Variants in MTREX observed in about 807,000 individuals in gnomAD.
MTREX encodes Mtr4 exosome RNA helicase, also known as exosome RNA helicase MTR4.
Under a neutral mutation model 135.4 loss-of-function variants are expected in MTREX, and 76 were observed. The ratio of observed to expected loss-of-function variants is 0.56; its 90% CI spans 0.47 to 0.68. The LOEUF (loss-of-function observed/expected upper bound fraction) is 0.68, where lower values mean the gene tolerates loss of function less well. Among genes scored for constraint, MTREX ranks in the 30% least tolerant of loss-of-function variants. The probability of loss-of-function intolerance (pLI) is 0.00; values close to 1 mark genes in which losing one functional copy is unlikely to be tolerated. For synonymous variants in MTREX, 404 were observed against 401.6 expected (o/e 1.01, Z -0.07); for missense variants, 920 against 1,262.1 (o/e 0.73, Z 4.11).
chr5:55,352,576 T>G (rs1027435824), intron 13 of MTREX, among the ~76,000 whole-genome samples: 3 of 152,212 alleles, frequency 2.0e-5, no homozygotes, highest in Non-Finnish European at 2.9e-5. Flanking sequence ...ATTATATAAT[T>G]TCATCATATG....
At chr5:55,423,988 G>A (rs1367388427) in intron 26 of MTREX, 3 of 151,992 alleles carry the variant, frequency 2.0e-5, no homozygotes, top group African/African-American at 2.4e-5. Flanking sequence ...ATCAAAATTT[G>A]TATTTGTCCT....
rs376173901 is a variant in MTREX at position 55,387,968 on chromosome 5, T to G, written c.2053-6T>G. On this transcript the variant is annotated splice_polypyrimidine_tract_variant and splice_region_variant and intron_variant, in intron 18 of 26. Coordinates refer to ENST00000230640, the MANE Select transcript of MTREX (RefSeq NM_015360.5). ...ATGAATGAACATCTTCTGTTTTGTT[T>G]TTTAGCCTAACTCTGGTGAACTGGA... 7 of 1,574,116 alleles carry G rather than the reference T, an allele frequency of 4.4e-6. No individual in the cohort carries two copies. Among genetic ancestry groups the G allele is most frequent in the Admixed American group, 1.7e-5 (1 of 57,366 alleles).
intron 18 of MTREX, among the ~76,000 whole-genome samples, chr5:55,379,972 G>T (rs993031879): frequency 6.6e-6 from 1 of 152,002 alleles, no homozygotes; most frequent in Non-Finnish European, 1.5e-5. Flanking sequence ...GTCTCGCTCT[G>T]TCGCCCAGGC....
At chr5:55,354,228 G>A (rs939329294) in intron 14 of MTREX, among the ~76,000 whole-genome samples, 5 of 152,158 alleles carry the variant, frequency 3.3e-5, no homozygotes, top group Non-Finnish European at 5.9e-5. Flanking sequence ...AAACACTCTT[G>A]AGAAGTATGT....
At chr5:55,389,857 A>G (rs1041414480) in intron 19 of MTREX, among the ~76,000 whole-genome samples, 1 of 151,118 alleles carries the variant, frequency 6.6e-6, no homozygotes. Context: ...TGTTTTATAA[A>G]TATATTGTTT....
At chr5:55,349,983 T>C (rs1749801358) in intron 12 of MTREX, among the ~76,000 whole-genome samples, 1 of 152,234 alleles carries the variant, frequency 6.6e-6, no homozygotes, top group Non-Finnish European at 1.5e-5. Flanking sequence ...AAGAGAACAC[T>C]TACTGAAAAT....
intron 22 of MTREX, 86 bp from the exon 23 acceptor site, chr5:55,410,438 T>C (rs1750869009): frequency 1.6e-6 from 1 of 607,822 alleles, no homozygotes; most frequent in Non-Finnish European, 2.8e-6. Flanking sequence ...TAATATATTT[T>C]ATTAAAAACT....
chr5:55,395,840 A>G (rs1411323354), intron 19 of MTREX, among the ~76,000 whole-genome samples: 2 of 152,218 alleles, frequency 1.3e-5, no homozygotes, highest in Non-Finnish European at 2.9e-5. Flanking sequence ...GACACAGAAA[A>G]CTGGGGAACT....
intron 13 of MTREX, among the ~76,000 whole-genome samples, chr5:55,351,737 C>T (rs1037555776): frequency 1.3e-5 from 2 of 151,688 alleles, no homozygotes; most frequent in African/African-American, 2.4e-5. Context: ...CAAAGAGCAT[C>T]TGATTTACTT....
rs201871188 is a variant in MTREX, at chr5:55,414,282, T to C, written c.2808+44T>C. The C allele has an allele frequency of 1.6e-3, 2,236 of 1,359,122 alleles. 1 individual carries two copies. The highest frequency in any genetic ancestry group is 2.0e-3 in the Non-Finnish European group (2,000 of 1,002,714). The allele number at this position is 1,359,122 out of a possible 1,614,324, so 84.2% of individuals were successfully genotyped here. A position where few individuals can be genotyped will look rare whatever the true frequency, so the allele number is the denominator to read the frequency against. On this transcript the variant is annotated intron_variant, in intron 24 of 26. Transcript: ENST00000230640. The stretch of plus-strand genomic sequence containing the variant: ...TTTTTTGAACTACATATTTTATGAA[T>C]AGTAGATTGTAAAATAAACATTTTT...
intron 8 of MTREX, among the ~76,000 whole-genome samples, chr5:55,344,287 A>G (rs1468569581): frequency 1.3e-5 from 2 of 152,126 alleles, no homozygotes; most frequent in African/African-American, 4.8e-5. Flanking sequence ...TGCTCAGGTC[A>G]TGTATTTAGC....
intron 5 of MTREX, 85 bp downstream of exon 5, chr5:55,328,896 A>G: frequency 1.3e-6 from 1 of 794,358 alleles, no homozygotes; most frequent in South Asian, 1.7e-5. Flanking sequence ...TCTGCTAGTG[A>G]AGATGGTTTT....
intron 25 of MTREX, among the ~76,000 whole-genome samples, chr5:55,420,732 T>C (rs1180160877): frequency 6.6e-6 from 1 of 152,180 alleles, no homozygotes; most frequent in African/African-American, 2.4e-5. Context: ...AACTGCTTAA[T>C]GGGAACAAGG....
chr5:55,410,570 A>G lies in MTREX; in HGVS notation c.2692A>G (p.Asn898Asp). ...TGAGATGATGTTTAATGGCCTTTTC[A>G]ATGACCTTTCTGCAGAACAGGCAAC... is the stretch of plus-strand genomic sequence containing the variant. ...LTEMMFNGLF[N>D]DLSAEQATAL... The change falls in exon 23 of 27, where the codon AAT (asparagine) becomes GAT (aspartate). Residue 898 changes from asparagine to aspartate, a missense_variant. Physicochemically the swap from Asn to Asp is conservative, Grantham distance 23. This residue lies in a region of MTREX where 467 missense variants were observed against 589.7 expected (regional missense o/e 0.79). Transcript: ENST00000230640. The G allele has an allele frequency of 6.2e-7, 1 of 1,611,242 alleles. No homozygotes were observed. The highest frequency in any genetic ancestry group is 2.2e-5 in the East Asian group (1 of 44,728).
chr5:55,422,866 T>C lies in MTREX; in HGVS notation c.2972-12T>C. ...TTCCATTTTACCAGTGTTTTGTTCC[T>C]TTTCTATCCAGGCAGCATAATTCGT... On this transcript the variant is annotated splice_polypyrimidine_tract_variant and intron_variant, in intron 25 of 26. Transcript: ENST00000230640. 2 of 1,604,620 alleles carry C rather than the reference T, an allele frequency of 1.2e-6. No homozygotes were observed. Among genetic ancestry groups the C allele is most frequent in the South Asian group, 2.2e-5 (2 of 89,070 alleles).
In MTREX at chr5:55,327,753, A is replaced by T. The variant is rs771901926; in HGVS notation, c.377A>T (p.Lys126Ile). 1 of 1,613,468 alleles carries T rather than the reference A, an allele frequency of 6.2e-7. No homozygotes were observed. The highest frequency in any genetic ancestry group is 8.5e-7 in the Non-Finnish European group (1 of 1,179,602). ...GCAGAAGAGGATTATTTACCACTTAAACCACGAGTTGGAAAAGCTGCTAAG... is the reference window on the plus strand; with the variant it reads ...GCAGAAGAGGATTATTTACCACTTATACCACGAGTTGGAAAAGCTGCTAAG... The part of the protein sequence containing the change: ...LPAEEDYLPL[K>I]PRVGKAAKEY... Residue 126 changes from lysine to isoleucine, a missense_variant, in exon 4 of 27, where the codon AAA becomes ATA. Coordinates refer to ENST00000230640, the MANE Select transcript of MTREX (RefSeq NM_015360.5).
chr5:55,405,419 C>CT lies in MTREX; in HGVS notation c.2482-3dup, dbSNP rs1383435001. 6.2e-7 allele frequency: 1 copy of CT among 1,608,056 alleles called. No homozygotes were observed. Among genetic ancestry groups the CT allele is most frequent in the African/African-American group, 1.3e-5 (1 of 74,746 alleles). On this transcript the variant is annotated splice_region_variant and splice_polypyrimidine_tract_variant and intron_variant, in intron 21 of 26. Coordinates refer to ENST00000230640, the MANE Select transcript of MTREX (RefSeq NM_015360.5). ...TGAACTTTCTTTATACTTTCATGTG[C>CT]TTTAGATTGCAATAGATATTAAATC...
rs1369313630 is a variant in MTREX at position 55,397,517 on chromosome 5, A to G, written c.2283A>G (p.Lys761=). ...TGGACAATAGACAGAGTGTTTTAAA[A>G]TCAATACAGGTATGTGTTAATTTCA... The part of the protein sequence containing the change: ...RPVDNRQSVL[K]SIQEVQKRFP... Residue 761 remains lysine, a synonymous_variant, in exon 20 of 27, where the codon AAA becomes AAG. Coordinates refer to ENST00000230640, the MANE Select transcript of MTREX (RefSeq NM_015360.5). 1 of 1,593,038 alleles carries G rather than the reference A, an allele frequency of 6.3e-7. No individual in the cohort carries two copies. Among genetic ancestry groups the G allele is most frequent in the South Asian group, 1.1e-5 (1 of 89,706 alleles).
intron 19 of MTREX, among the ~76,000 whole-genome samples, chr5:55,396,645 G>A (rs1750651561): frequency 6.6e-6 from 1 of 152,326 alleles, no homozygotes; most frequent in South Asian, 2.1e-4. Context: ...AGAAAGGTTA[G>A]ATAATTTGTG....
Sources: gnomAD v4.1 joint callset for allele counts (sites outside exome capture counted in the v4.1 genomes callset) on GRCh38, gnomAD v4.1.1 for gene constraint, gnomAD v4.1.1 regional missense constraint, MANE v1.5 for transcripts, NCBI Gene and HGNC (gene_info 2026-07-23, HGNC 2026-07-21) for gene names.